Variants in BRD4 observed in about 807,000 individuals in gnomAD.
The protein encoded by BRD4 is bromodomain-containing protein 4.
Under a neutral mutation model 142.1 loss-of-function variants are expected in BRD4, and 16 were observed. That is an observed-to-expected ratio of 0.11 (90% CI 0.08 to 0.17). BRD4 has a LOEUF of 0.17. Ranked by LOEUF, BRD4 falls within the 10% of genes least tolerant of loss-of-function variation. The pLI is 1.00. For missense variants in BRD4, 1,424 were observed against 1,810.9 expected (o/e 0.79, Z 3.88); for synonymous variants, 833 against 707.5 (o/e 1.18, Z -2.82).
rs1371357723 is a variant in BRD4 at position 15,254,238 on chromosome 19, C to A, written c.2072G>T (p.Gly691Val). The change falls in exon 11 of 20, where the codon GGC (glycine) becomes GTC (valine). Residue 691 changes from glycine (G) to valine (V), a missense_variant. Around this residue, in one of 16 missense-constraint regions of BRD4, gnomAD observed 598 missense variants for 647.8 expected, o/e 0.92. Transcript: ENST00000679869. ...CGAGAAGCCCTTCATCTTGGAGGAGCCGGCAATCACATCAACTTTCTCAGC... is the reference window on the plus strand; with the variant it reads ...CGAGAAGCCCTTCATCTTGGAGGAGACGGCAATCACATCAACTTTCTCAGC... ...PQAEKVDVIAGSSKMKGFSSS... is the reference protein window; with the variant it reads ...PQAEKVDVIAVSSKMKGFSSS... 2 of 1,614,188 alleles carry A rather than the reference C, an allele frequency of 1.2e-6. No homozygotes were observed. Among genetic ancestry groups the A allele is most frequent in the Non-Finnish European group, 1.7e-6 (2 of 1,180,036 alleles).
In BRD4 at chr19:15,264,645, C is replaced by G. The variant is rs200039725; in HGVS notation, c.971G>C (p.Ser324Thr). Residue 324 changes from serine (S) to threonine (T), a missense_variant, in exon 6 of 20, where the codon AGC (serine) becomes ACC (threonine). Physicochemically the swap from Ser to Thr is moderately conservative, Grantham distance 58. Coordinates refer to ENST00000679869, the MANE Select transcript of BRD4 (RefSeq NM_001379291.1). ...KTTKLGQRRE[S>T]SRPVKPPKKD... ...CTTTGGAGGTTTCACAGGCCGGCTG[C>G]TCTCCCGCCGCTGGCCCAGCTTGGT... is the stretch of plus-strand genomic sequence containing the variant. 6.2e-7 allele frequency: 1 copy of G among 1,613,654 alleles called. No homozygotes were observed.
chr19:15,242,657 C>T (rs2047247390), intron 14 of BRD4, among the ~76,000 whole-genome samples: 1 of 152,142 alleles, frequency 6.6e-6, no homozygotes, highest in Non-Finnish European at 1.5e-5. Flanking sequence ...TGTCGTGCTC[C>T]TGACTCAAGA....
chr19:15,262,788 C>A (rs571431943), intron 7 of BRD4, among the ~76,000 whole-genome samples: 1 of 152,152 alleles, frequency 6.6e-6, no homozygotes, highest in South Asian at 2.1e-4. Context: ...CTTTATTCTC[C>A]AAAATTTTTA....
In BRD4 at chr19:15,265,422, G is replaced by T; in HGVS notation, c.781C>A (p.Pro261Thr). The change falls in exon 5 of 20, where the codon CCC becomes ACC. Residue 261 changes from proline to threonine, a missense_variant. By Grantham distance (38) the Pro-to-Thr change is conservative. Around this residue, in one of 16 missense-constraint regions of BRD4, gnomAD observed 140 missense variants for 131.7 expected, o/e 1.06. Transcript: ENST00000679869. ...PPVPPQPQPP[P>T]APAPQPVQSH... The stretch of plus-strand genomic sequence containing the variant: ...TGTACGGGCTGGGGAGCTGGAGCGG[G>T]TGGGGGTTGTGGCTGGGGGGGCACT... The T allele has an allele frequency of 6.4e-7, 1 of 1,560,542 alleles. No homozygotes were observed. The highest frequency in any genetic ancestry group is 1.2e-5 in the South Asian group (1 of 82,344).
intron 1 of BRD4, among the ~76,000 whole-genome samples, chr19:15,304,802 G>A (rs1362254667): frequency 6.6e-6 from 1 of 152,100 alleles, no homozygotes; most frequent in African/African-American, 2.4e-5. Context: ...CAAGGAAGCT[G>A]ATGCGAGAAG....
At chr19:15,276,984 G>A (rs187652907) in intron 1 of BRD4, among the ~76,000 whole-genome samples, 5 of 152,124 alleles carry the variant, frequency 3.3e-5, no homozygotes, top group East Asian at 1.9e-4. Flanking sequence ...GAGTGTGTGC[G>A]CTTCTGTGGT....
intron 2 of BRD4, among the ~76,000 whole-genome samples, chr19:15,271,103 G>A (rs558287151): frequency 1.3e-5 from 2 of 152,178 alleles, no homozygotes; most frequent in South Asian, 2.1e-4. Context: ...TGTCTGTCCC[G>A]CTGGCCAGCA....
In BRD4 at chr19:15,237,477, C is replaced by T. The variant is rs2047202392; in HGVS notation, c.*900G>A. 8.8e-6 allele frequency: 2 copies of T among 226,288 alleles called. No homozygotes were observed. The highest frequency in any genetic ancestry group is 1.8e-5 in the Non-Finnish European group (2 of 113,890). The allele number at this position is 226,288 out of a possible 1,614,324, so 14.0% of individuals were successfully genotyped here. ...AACTATGTTCACTATACAGTACAGC[C>T]ACGGTCACACACTACCCACAGCGCG... is the stretch of plus-strand genomic sequence containing the variant. On this transcript the variant is annotated 3_prime_UTR_variant, in exon 20 of 20. Transcript: ENST00000679869.
Position 15,257,095 on chromosome 19 carries a change from G to T in BRD4, c.1420C>A (p.Pro474Thr). 6.2e-7 allele frequency: 1 copy of T among 1,608,080 alleles called. No individual in the cohort carries two copies. ...PVVAVSSPAV[P>T]PPTKVVAPPS... ...GGGGCCACAACCTTGGTGGGAGGGG[G>T]CACTGCCGGGGAGGACACGGCCACC... The change falls in exon 8 of 20, where the codon CCC (proline) becomes ACC (threonine). Residue 474 changes from proline to threonine, a missense_variant. Pro to Thr is a conservative substitution (Grantham distance 38). Transcript: ENST00000679869.
intron 1 of BRD4, among the ~76,000 whole-genome samples, chr19:15,291,086 C>T (rs1467469305): frequency 2.6e-5 from 4 of 152,060 alleles, no homozygotes; most frequent in African/African-American, 9.7e-5. Flanking sequence ...TATCACCCAC[C>T]ACCACCACCC....
At chr19:15,264,258 TGA>T in intron 6 of BRD4, 144 bp downstream of exon 6, 2 of 1,136,526 alleles carry the variant, frequency 1.8e-6, no homozygotes, top group Admixed American at 5.1e-5. Context: ...CAGGGGGCGC[TGA>T]GTTTCTTCGA....
chr19:15,256,593 CG>C (rs1302118166), intron 8 of BRD4, among the ~76,000 whole-genome samples: 2 of 152,172 alleles, frequency 1.3e-5, no homozygotes, highest in Non-Finnish European at 2.9e-5. Context: ...TAAGAGCACA[CG>C]GACACGTCAG....
rs142762821 is a variant in BRD4, at chr19:15,301,571, A to C, written c.-34-28438T>G. On this transcript the variant is annotated intron_variant, in intron 1 of 19. Coordinates refer to ENST00000679869, the MANE Select transcript of BRD4 (RefSeq NM_001379291.1). ...GAGCAAGACTACGTCTCAAAACAAA[A>C]AAAAAAAAGGCTGGGTGCAGTGACT... 7.3e-3 allele frequency among the ~76,000 whole-genome samples: 1,064 copies of C among 144,994 alleles called. 10 individuals are homozygous for C. Among genetic ancestry groups the C allele is most frequent in the African/African-American group, 0.023 (878 of 38,704 alleles).
intron 1 of BRD4, among the ~76,000 whole-genome samples, chr19:15,281,400 G>A (rs772700175): frequency 2.0e-5 from 3 of 152,216 alleles, no homozygotes; most frequent in Non-Finnish European, 4.4e-5. Context: ...GGGGACACAG[G>A]CACACAAGGA....
intron 1 of BRD4, among the ~76,000 whole-genome samples, chr19:15,317,470 T>C (rs566667247): frequency 6.6e-6 from 1 of 152,248 alleles, no homozygotes; most frequent in South Asian, 2.1e-4. Context: ...AAGGAAGATG[T>C]CAAGCATCCA....
intron 11 of BRD4, among the ~76,000 whole-genome samples, chr19:15,249,444 G>A (rs1309210545): frequency 6.6e-6 from 1 of 152,100 alleles, no homozygotes; most frequent in Non-Finnish European, 1.5e-5. Flanking sequence ...GCCCTGCCCC[G>A]TGCCTGGCTA....
In BRD4 at chr19:15,322,103, A is replaced by AC. The variant is rs201181732; in HGVS notation, c.-35+10186dup. ...AATGTAATTCAACTCCTCTGACATG[A>AC]CCCCCCCATAAGAAACACATTTTAT... On this transcript the variant is annotated intron_variant, in intron 1 of 19. Transcript: ENST00000679869. Among the ~76,000 whole-genome samples, 858 of 151,890 alleles carry AC rather than the reference A, an allele frequency of 5.6e-3. 5 individuals are homozygous for AC. The highest frequency in any genetic ancestry group is 0.015 in the Admixed American group (233 of 15,240).
chr19:15,280,060 C>CT (rs2047690671), intron 1 of BRD4, among the ~76,000 whole-genome samples: 3 of 152,264 alleles, frequency 2.0e-5, no homozygotes, highest in Admixed American at 2.0e-4. Context: ...CCTGCCACTT[C>CT]TTGAGCTGAT....
Position 15,237,171 on chromosome 19 carries a change from A to C in BRD4, c.*1206T>G, listed in dbSNP as rs553154387. On this transcript the variant is annotated 3_prime_UTR_variant, in exon 20 of 20. Coordinates refer to ENST00000679869, the MANE Select transcript of BRD4 (RefSeq NM_001379291.1). ...TCCTTTCTCAGTAAAAAACAAAAAC[A>C]AAAACAAAAACCAAAACCAAAAAAA... 3.0e-3 allele frequency: 610 copies of C among 200,276 alleles called. 11 individuals carry two copies. Among genetic ancestry groups the C allele is most frequent in the Non-Finnish European group, 4.0e-3 (391 of 98,460 alleles). The allele number at this position is 200,276 out of a possible 1,614,324, so 12.4% of individuals were successfully genotyped here. A position where few individuals can be genotyped will look rare whatever the true frequency, so the allele number is the denominator to read the frequency against.
Sources: allele counts gnomAD v4.1 joint callset (sites outside exome capture counted in the v4.1 genomes callset), GRCh38; gene constraint gnomAD v4.1.1; regional missense constraint gnomAD v4.1.1; transcripts MANE v1.5; gene names NCBI Gene and HGNC (gene_info 2026-07-23, HGNC 2026-07-21).